PLA2G4E: variants seen among roughly 807,000 people sequenced by gnomAD.
The protein encoded by PLA2G4E is cytosolic phospholipase A2 epsilon.
In PLA2G4E, 84 loss-of-function variants were observed where a neutral mutation model predicts 109.1. That is an observed-to-expected ratio of 0.77 (90% confidence interval 0.65 to 0.92). The LOEUF is 0.92. Among genes scored for constraint, PLA2G4E ranks in the 40% least tolerant of loss-of-function variants. The pLI, the probability that PLA2G4E is intolerant of heterozygous loss-of-function variation, is 0.00. For synonymous variants in PLA2G4E, 469 were observed against 436.1 expected (o/e 1.08, Z -0.94); for missense variants, 1,057 against 1,076.6 (o/e 0.98, Z 0.25).
At chr15:42,025,173 GAGAC>G (rs1182657504) in intron 1 of PLA2G4E, among the ~76,000 whole-genome samples, 1 of 147,906 alleles carries the variant, frequency 6.8e-6, no homozygotes, top group African/African-American at 2.5e-5. Flanking sequence ...TCCAGCCTGG[GAGAC>G]AGAGTGAAAC....
intron 1 of PLA2G4E, among the ~76,000 whole-genome samples, chr15:42,033,236 G>A (rs1027421865): frequency 1.3e-5 from 2 of 152,172 alleles, no homozygotes; most frequent in Non-Finnish European, 2.9e-5. Context: ...GCAGCCCTGT[G>A]GTGCTGGGCC....
chr15:41,998,418 T>TG (rs2141039297), intron 10 of PLA2G4E: 1 of 152,350 alleles, frequency 6.6e-6, no homozygotes, highest in Non-Finnish European at 1.5e-5. Context: ...GCTGTCTAGC[T>TG]GGATCCTCAG....
chr15:41,990,182 G>T, exon 14 of PLA2G4E: 10 of 1,613,760 alleles, frequency 6.2e-6, no homozygotes, highest in Non-Finnish European at 8.5e-6. Context: ...TGGGCAGGGG[G>T]TTCTGGCCGC....
At chr15:42,007,963 T>C (rs1035258790) in intron 2 of PLA2G4E, 98 bp from the exon 3 acceptor site, 76 of 1,333,794 alleles carry the variant, frequency 5.7e-5, no homozygotes, top group Non-Finnish European at 6.9e-5. Flanking sequence ...CCAGGCCCCA[T>C]CTCAGCTCCA....
Position 42,047,002 on chromosome 15 carries a change from G to C in PLA2G4E, c.183+3519C>G, listed in dbSNP as rs116975199. Among the ~76,000 whole-genome samples the C allele has an allele frequency of 1.6e-4, 25 of 152,356 alleles. No individual in the cohort carries two copies. The East Asian group carries it at 4.4e-3, about 27-fold the overall frequency. ...GGCCTGATCCATAGGGGTGGTCCTG[G>C]AGGGAATCCTTCAAGGACCAAAATG... On this transcript the variant is annotated intron_variant, in intron 1 of 19. Coordinates refer to ENST00000399518, the Ensembl canonical transcript of PLA2G4E.
intron 2 of PLA2G4E, among the ~76,000 whole-genome samples, chr15:42,011,975 A>G (rs1028308404): frequency 2.2e-4 from 33 of 152,300 alleles, no homozygotes; most frequent in African/African-American, 3.4e-4. Flanking sequence ...AAAGACCCCA[A>G]GAAGCTTGAG....
chr15:42,016,952 C>A (rs1321732815), intron 1 of PLA2G4E, among the ~76,000 whole-genome samples: 1 of 152,252 alleles, frequency 6.6e-6, no homozygotes, highest in Admixed American at 6.5e-5. Context: ...CCAAGGTGCA[C>A]TCCTCCTTTC....
chr15:41,983,749 G>C, exon 20 of PLA2G4E: 1 of 1,579,984 alleles, frequency 6.3e-7, no homozygotes, highest in Non-Finnish European at 8.6e-7. Flanking sequence ...GAGGCTCCCT[G>C]GGGCCTAGGA....
At chr15:42,047,608 A>C (rs770612182) in intron 1 of PLA2G4E, among the ~76,000 whole-genome samples, 1 of 152,196 alleles carries the variant, frequency 6.6e-6, no homozygotes, top group Non-Finnish European at 1.5e-5. Flanking sequence ...GGGTCCTTGC[A>C]GTTCCCCCAA....
chr15:42,001,232 AAAG>A lies in PLA2G4E; in HGVS notation c.610-15_610-13del. ...GAGACTTGTCGAGACTGTAAAAAAC[AAAG>A]GAGGGTCACAGAGTGTCTGAGCACC... On this transcript the variant is annotated splice_polypyrimidine_tract_variant and intron_variant, in intron 6 of 19. Coordinates refer to ENST00000399518, the Ensembl canonical transcript of PLA2G4E. 6.2e-7 allele frequency: 1 copy of A among 1,609,378 alleles called. No individual in the cohort carries two copies. Among genetic ancestry groups the A allele is most frequent in the Non-Finnish European group, 8.5e-7 (1 of 1,175,704 alleles).
exon 1 of PLA2G4E, chr15:42,050,670 G>A: frequency 1.3e-6 from 2 of 1,550,542 alleles, no homozygotes; most frequent in South Asian, 1.2e-5. Context: ...TTAGTTCCCA[G>A]GCCAGGACAG....
chr15:41,990,013 G>T, intron 14 of PLA2G4E, 108 bp downstream of exon 14: 1 of 846,910 alleles, frequency 1.2e-6, no homozygotes, highest in Non-Finnish European at 1.9e-6. Flanking sequence ...GGATGTAGAG[G>T]TTGACAAAGA....
intron 1 of PLA2G4E, among the ~76,000 whole-genome samples, chr15:42,032,094 AT>A (rs888802800): frequency 2.6e-5 from 4 of 152,112 alleles, no homozygotes; most frequent in Non-Finnish European, 5.9e-5. Context: ...GCCACCCAAC[AT>A]GCTTGCTCCC....
intron 6 of PLA2G4E, 71 bp downstream of exon 6, chr15:42,002,583 T>G: frequency 6.8e-7 from 1 of 1,469,864 alleles, no homozygotes; most frequent in Non-Finnish European, 9.3e-7. Flanking sequence ...TTTTCTCCCT[T>G]GGTCCTGTTC....
At chr15:42,002,722 G>T (rs1470883631) in intron 5 of PLA2G4E, 26 bp from the exon 6 acceptor site, 1 of 1,555,604 alleles carries the variant, frequency 6.4e-7, no homozygotes, top group East Asian at 2.4e-5. Flanking sequence ...AGAACTCCTG[G>T]TCAATTCTAG....
intron 1 of PLA2G4E, among the ~76,000 whole-genome samples, chr15:42,034,426 T>G (rs918444662): frequency 6.6e-6 from 1 of 152,222 alleles, no homozygotes; most frequent in East Asian, 1.9e-4. Context: ...TGTGTCTGTA[T>G]GTGGGATGCT....
At chr15:42,013,890 T>TG in intron 1 of PLA2G4E, 133 bp from the exon 2 acceptor site, 1 of 583,326 alleles carries the variant, frequency 1.7e-6, no homozygotes, top group Non-Finnish European at 2.9e-6. Flanking sequence ...TGGTTTTTTT[T>TG]TTTTTTTTTT....
chr15:42,005,957 G>GCC, intron 4 of PLA2G4E, 33 bp downstream of exon 4: 1 of 1,608,846 alleles, frequency 6.2e-7, no homozygotes, highest in South Asian at 1.1e-5. Context: ...TTATCATGAA[G>GCC]CCGGAGTCTG....
intron 1 of PLA2G4E, among the ~76,000 whole-genome samples, chr15:42,023,067 C>T (rs1052214868): frequency 6.6e-6 from 1 of 152,072 alleles, no homozygotes; most frequent in African/African-American, 2.4e-5. Context: ...GGCCAGAAAG[C>T]AGGGCACGCT....
Sources: allele counts gnomAD v4.1 joint callset (sites outside exome capture counted in the v4.1 genomes callset), GRCh38; gene constraint gnomAD v4.1.1; transcripts MANE v1.5; gene names NCBI Gene and HGNC (gene_info 2026-07-23, HGNC 2026-07-21).